Variants in TPRG1 observed in about 807,000 individuals in gnomAD.
TPRG1 encodes the protein tumor protein p63-regulated gene 1 protein.
TPRG1 carries 29 observed loss-of-function variants against 29.3 expected under a neutral mutation model. The ratio of observed to expected loss-of-function variants is 0.99; its 90% confidence interval spans 0.74 to 1.35. The LOEUF is 1.35. TPRG1 is among the 40% of genes most tolerant of loss of function. The probability of loss-of-function intolerance (pLI) is 0.00; values close to 1 mark genes in which losing one functional copy is unlikely to be tolerated. For missense variants in TPRG1, 327 were observed against 335.0 expected, an observed-to-expected ratio of 0.98 and a Z score of 0.19; for synonymous variants, 130 against 116.8, an observed-to-expected ratio of 1.11 and a Z score of -0.73.
intron 4 of TPRG1, among the ~76,000 whole-genome samples, chr3:189,064,496 A>C (rs1347032926): frequency 6.6e-6 from 1 of 152,200 alleles, no homozygotes; most frequent in African/African-American, 2.4e-5. Context: ...AGCAAAATAC[A>C]TCCGAAGCAA....
intron 4 of TPRG1, among the ~76,000 whole-genome samples, chr3:189,048,758 C>A (rs1272081989): frequency 6.6e-6 from 1 of 152,176 alleles, no homozygotes; most frequent in Non-Finnish European, 1.5e-5. Context: ...GACCCACAGA[C>A]CCTCTGAAGG....
At chr3:189,132,428 CT>C (rs1415117976) in exon 3 of TPRG1, 2 of 152,136 alleles carry the variant, frequency 1.3e-5, no homozygotes, top group African/African-American at 4.8e-5. Flanking sequence ...TGCGACCCTT[CT>C]GATAAGTCAC....
At chr3:189,162,550 A>G (rs1208305375) in intron 5 of TPRG1, among the ~76,000 whole-genome samples, 12 of 152,230 alleles carry the variant, frequency 7.9e-5, no homozygotes, top group Non-Finnish European at 1.5e-5. Flanking sequence ...ATGAGTTGGT[A>G]TCAGAATTTG....
intron 4 of TPRG1, among the ~76,000 whole-genome samples, chr3:189,064,440 A>T (rs895840820): frequency 6.6e-6 from 1 of 152,144 alleles, no homozygotes; most frequent in Non-Finnish European, 1.5e-5. Flanking sequence ...AGAAAAAAAA[A>T]TTCAAATCAA....
chr3:189,297,225 C>T (rs147787697), intron 4 of TPRG1, among the ~76,000 whole-genome samples: 47 of 152,198 alleles, frequency 3.1e-4, no homozygotes, highest in African/African-American at 1.1e-3. Flanking sequence ...AAGTGATCTG[C>T]CTGCCTCATC....
At chr3:189,232,294 AG>A (rs1262377771) in intron 3 of TPRG1, among the ~76,000 whole-genome samples, 3 of 152,242 alleles carry the variant, frequency 2.0e-5, no homozygotes, top group Non-Finnish European at 4.4e-5. Context: ...AATACTCCTG[AG>A]TCCTTTCCTT....
chr3:189,316,370 G>A (rs1048423459), intron 5 of TPRG1, among the ~76,000 whole-genome samples: 1 of 152,214 alleles, frequency 6.6e-6, no homozygotes, highest in African/African-American at 2.4e-5. Flanking sequence ...GGTATTGGAT[G>A]GGCGTGCCCT....
intron 4 of TPRG1, among the ~76,000 whole-genome samples, chr3:189,074,851 G>T (rs1461166766): frequency 2.0e-5 from 3 of 149,354 alleles, no homozygotes; most frequent in East Asian, 4.0e-4. Context: ...TCGCTCTGTC[G>T]CCCAGGCTGG....
chr3:189,150,783 C>G (rs917433572), exon 5 of TPRG1: 36 of 152,178 alleles, frequency 2.4e-4, no homozygotes, highest in Admixed American at 2.0e-3. Context: ...GAACACAATG[C>G]AAGGCTCTCC....
Position 189,114,268 on chromosome 3 carries a change from C to CTTGTTTGT in TPRG1, c.-743-12766_-743-12759dup, listed in dbSNP as rs138358925. Among the ~76,000 whole-genome samples the CTTGTTTGT allele has an allele frequency of 6.4e-3, 968 of 150,692 alleles. 15 individuals carry two copies. Among genetic ancestry groups the CTTGTTTGT allele is most frequent in the African/African-American group, 0.022 (895 of 40,764 alleles). On this transcript the variant is annotated intron_variant, in intron 1 of 6. Transcript: ENST00000412373. ...TGTTGTACCAGGCACCTAGATGTTGCTTGTTTGTTTGTTTGTTTGTTTGTT... is the reference window on the plus strand; with the variant it reads ...TGTTGTACCAGGCACCTAGATGTTGCTTGTTTGTTTGTTTGTTTGTTTGTTTGTTTGTT...
chr3:189,308,943 G>A (rs974991824), intron 4 of TPRG1, among the ~76,000 whole-genome samples: 1 of 151,794 alleles, frequency 6.6e-6, no homozygotes, highest in East Asian at 1.9e-4. Flanking sequence ...CAGTATACTA[G>A]CTGAGAAGGA....
chr3:189,011,780 C>A (rs190169158), intron 3 of TPRG1, among the ~76,000 whole-genome samples: 4 of 152,284 alleles, frequency 2.6e-5, no homozygotes, highest in Admixed American at 1.3e-4. Context: ...GATGTTTTTC[C>A]ATCTGTTTGT....
At chr3:189,107,122 A>G (rs1719917955) in intron 1 of TPRG1, among the ~76,000 whole-genome samples, 1 of 152,068 alleles carries the variant, frequency 6.6e-6, no homozygotes, top group South Asian at 2.1e-4. Context: ...TCACAGCAAA[A>G]TGGAGCTGAA....
intron 4 of TPRG1, among the ~76,000 whole-genome samples, chr3:189,298,421 G>T (rs1720302791): frequency 1.3e-5 from 2 of 152,204 alleles, no homozygotes; most frequent in Non-Finnish European, 1.5e-5. Flanking sequence ...TATGTCTCCT[G>T]TCTCTATTTT....
intron 1 of TPRG1, among the ~76,000 whole-genome samples, chr3:189,202,775 G>T (rs891038728): frequency 3.3e-5 from 5 of 152,138 alleles, no homozygotes; most frequent in Non-Finnish European, 4.4e-5. Context: ...TGCAGCGCTC[G>T]CTGTGGGACT....
intron 4 of TPRG1, among the ~76,000 whole-genome samples, chr3:189,264,831 C>G (rs1713776210): frequency 1.3e-5 from 2 of 152,134 alleles, no homozygotes; most frequent in Non-Finnish European, 2.9e-5. Flanking sequence ...AATATAAAAT[C>G]CCACAGTATT....
intron 1 of TPRG1, among the ~76,000 whole-genome samples, chr3:189,175,529 T>A (rs1729373191): frequency 6.6e-6 from 1 of 152,200 alleles, no homozygotes; most frequent in African/African-American, 2.4e-5. Context: ...AGACATTAGT[T>A]CATGATTATT....
chr3:189,080,193 C>T (rs1717496426), intron 4 of TPRG1, among the ~76,000 whole-genome samples: 1 of 152,120 alleles, frequency 6.6e-6, no homozygotes. Context: ...AGAAATCATG[C>T]TGGATCTTTA....
At chr3:189,062,319 G>T (rs1401034138) in intron 4 of TPRG1, among the ~76,000 whole-genome samples, 1 of 152,040 alleles carries the variant, frequency 6.6e-6, no homozygotes. Flanking sequence ...GAGGATCAGA[G>T]AAAATAACTA....
Sources: gnomAD v4.1 joint callset for allele counts (sites outside exome capture counted in the v4.1 genomes callset) on GRCh38, gnomAD v4.1.1 for gene constraint, MANE v1.5 for transcripts, NCBI Gene and HGNC (gene_info 2026-07-23, HGNC 2026-07-21) for gene names.